PLCL1: variants seen among roughly 807,000 people sequenced by gnomAD.
PLCL1 encodes the protein phospholipase C like 1 (inactive).
Under a neutral mutation model 84.4 loss-of-function variants are expected in PLCL1, and 41 were observed. That is an observed-to-expected ratio of 0.49 (90% CI 0.38 to 0.63). PLCL1 has a LOEUF of 0.63. Among genes scored for constraint, PLCL1 ranks in the 30% least tolerant of loss-of-function variants. The pLI, the probability that PLCL1 is intolerant of heterozygous loss-of-function variation, is 0.00. For missense variants in PLCL1, 1,206 were observed against 1,367.8 expected (o/e 0.88, Z 1.87); for synonymous variants, 490 against 488.3 (o/e 1.00, Z -0.05).
At chr2:197,937,801 G>A (rs939066573) in intron 1 of PLCL1, among the ~76,000 whole-genome samples, 3 of 152,080 alleles carry the variant, frequency 2.0e-5, no homozygotes, top group South Asian at 2.1e-4. Context: ...AAGAACTTAC[G>A]GTCCATTAGT....
chr2:197,873,155 A>G (rs1236169061), intron 1 of PLCL1, among the ~76,000 whole-genome samples: 3 of 152,130 alleles, frequency 2.0e-5, no homozygotes, highest in Non-Finnish European at 4.4e-5. Context: ...CAACATGTTT[A>G]TGTGTATTCA....
chr2:198,147,758 G>A lies in PLCL1; in HGVS notation c.*796G>A, dbSNP rs1474535501. The A allele has an allele frequency of 1.3e-5, 2 of 152,314 alleles. No homozygotes were observed. Among genetic ancestry groups the A allele is most frequent in the Admixed American group, 6.5e-5 (1 of 15,296 alleles). The allele number at this position is 152,314 out of a possible 1,614,324, so 9.4% of individuals were successfully genotyped here. The stretch of plus-strand genomic sequence containing the variant: ...CACACTGAAAGCTCTGTTGCAATTA[G>A]GATTTTGATGTGACAATAATATTGT... On this transcript the variant is annotated 3_prime_UTR_variant, in exon 6 of 6. Coordinates refer to ENST00000428675, the MANE Select transcript of PLCL1 (RefSeq NM_006226.4).
chr2:198,140,302 A>C (rs981343103), intron 5 of PLCL1, among the ~76,000 whole-genome samples: 1 of 152,144 alleles, frequency 6.6e-6, no homozygotes, highest in African/African-American at 2.4e-5. Flanking sequence ...TATTATTATT[A>C]GTGAGTAGTG....
In PLCL1 at chr2:197,835,294, TAAA is replaced by T. The variant is rs1263429887; in HGVS notation, c.240+29960_240+29962del. Among the ~76,000 whole-genome samples, 11 of 152,242 alleles carry T rather than the reference TAAA, an allele frequency of 7.2e-5. No individual in the cohort carries two copies. In the Middle Eastern group the frequency reaches 0.01, roughly 141 times the overall value. On this transcript the variant is annotated intron_variant, in intron 1 of 5. Coordinates refer to ENST00000428675, the MANE Select transcript of PLCL1 (RefSeq NM_006226.4). Reference sequence around the variant, plus strand: ...ATGTATCCTAGAACATAAAGTATAATAAAAAAACCATAGTGTTAAAATGTGCAT... The same window carrying T: ...ATGTATCCTAGAACATAAAGTATAATAAAACCATAGTGTTAAAATGTGCAT...
intron 1 of PLCL1, among the ~76,000 whole-genome samples, chr2:198,006,873 C>A (rs1690740725): frequency 6.6e-6 from 1 of 152,190 alleles, no homozygotes; most frequent in African/African-American, 2.4e-5. Context: ...AACCTTTTAC[C>A]AGTTTCTAAA....
chr2:198,084,593 G>A lies in PLCL1; in HGVS notation c.1076G>A (p.Arg359Lys). 6.2e-7 allele frequency: 1 copy of A among 1,613,944 alleles called. No homozygotes were observed. The highest frequency in any genetic ancestry group is 1.1e-5 in the South Asian group (1 of 91,076). Residue 359 changes from arginine (R) to lysine (K), a missense_variant, in exon 2 of 6, where the codon AGA (arginine) becomes AAA (lysine). Arg to Lys is a conservative substitution (Grantham distance 26, BLOSUM62 2). Coordinates refer to ENST00000428675, the MANE Select transcript of PLCL1 (RefSeq NM_006226.4). ...TEDICLDIIR[R>K]YELSEEGRQK... The stretch of plus-strand genomic sequence containing the variant: ...GATATATGCTTAGACATCATAAGGA[G>A]ATACGAACTTTCTGAAGAGGGACGT...
At chr2:198,137,635 A>C (rs1694286216) in intron 5 of PLCL1, among the ~76,000 whole-genome samples, 1 of 152,154 alleles carries the variant, frequency 6.6e-6, no homozygotes, top group African/African-American at 2.4e-5. Context: ...TGTTTCACTG[A>C]TCATAAGATG....
At chr2:198,068,449 C>T (rs1692369839) in intron 1 of PLCL1, among the ~76,000 whole-genome samples, 1 of 152,066 alleles carries the variant, frequency 6.6e-6, no homozygotes, top group African/African-American at 2.4e-5. Context: ...TCTTTTATTT[C>T]TACATCATGG....
At chr2:198,103,733 T>A in intron 4 of PLCL1, 94 bp from the exon 5 acceptor site, 1 of 600,060 alleles carries the variant, frequency 1.7e-6, no homozygotes, top group South Asian at 2.4e-5. Context: ...AAGACAGGAA[T>A]GTGAAATTAT....
intron 1 of PLCL1, among the ~76,000 whole-genome samples, chr2:198,026,384 G>A (rs904516566): frequency 1.3e-5 from 2 of 152,152 alleles, no homozygotes; most frequent in Non-Finnish European, 2.9e-5. Flanking sequence ...TAATGGTTAA[G>A]TTTCTTATAA....
chr2:197,981,686 T>C (rs78086362), intron 1 of PLCL1, among the ~76,000 whole-genome samples: 5,546 of 152,262 alleles, frequency 0.036, 350 homozygotes, highest in African/African-American at 0.13. Context: ...TGTCTGTCTG[T>C]TATTAGAAAG....
At position 198,067,830 on chromosome 2, in the gene PLCL1, G is replaced by A. The variant is rs75442685; in HGVS notation, c.241-15928G>A. 3.1e-3 allele frequency among the ~76,000 whole-genome samples: 465 copies of A among 152,290 alleles called. 1 individual carries two copies. The highest frequency in any genetic ancestry group is 0.011 in the African/African-American group (440 of 41,546). On this transcript the variant is annotated intron_variant, in intron 1 of 5. Coordinates refer to ENST00000428675, the MANE Select transcript of PLCL1 (RefSeq NM_006226.4). ...AAATTAAAACTTCTTAGAAAGGTGA[G>A]ATGCTCTTACCCTCCTTATTTTGAT...
chr2:197,819,122 C>A (rs1690753140), intron 1 of PLCL1, among the ~76,000 whole-genome samples: 1 of 152,082 alleles, frequency 6.6e-6, no homozygotes, highest in Non-Finnish European at 1.5e-5. Context: ...GTAGAGAAAA[C>A]CAACCCAGTG....
chr2:197,947,758 C>T (rs1689311227), intron 1 of PLCL1, among the ~76,000 whole-genome samples: 1 of 152,140 alleles, frequency 6.6e-6, no homozygotes, highest in Non-Finnish European at 1.5e-5. Context: ...AAACCTCCAA[C>T]CATACTGGAG....
At chr2:197,815,280 T>C (rs950671193) in intron 1 of PLCL1, among the ~76,000 whole-genome samples, 6 of 152,202 alleles carry the variant, frequency 3.9e-5, no homozygotes, top group Non-Finnish European at 7.3e-5. Context: ...AAATCTACTC[T>C]GTGCCCTATG....
At chr2:197,906,787 A>C (rs1688391055) in intron 1 of PLCL1, among the ~76,000 whole-genome samples, 1 of 152,116 alleles carries the variant, frequency 6.6e-6, no homozygotes, top group Admixed American at 6.6e-5. Flanking sequence ...CATCCCTTGT[A>C]AGTTGTATTC....
chr2:197,995,660 C>G (rs1378651296), intron 1 of PLCL1, among the ~76,000 whole-genome samples: 1 of 152,138 alleles, frequency 6.6e-6, no homozygotes. Context: ...AGTCAACAAT[C>G]TCAGCGTCAG....
At chr2:197,852,352 T>C (rs1687255393) in intron 1 of PLCL1, among the ~76,000 whole-genome samples, 2 of 152,202 alleles carry the variant, frequency 1.3e-5, no homozygotes, top group African/African-American at 4.8e-5. Flanking sequence ...CTCTAGATTG[T>C]CATCTGATTA....
chr2:198,040,323 A>G (rs1329594936), intron 1 of PLCL1, among the ~76,000 whole-genome samples: 1 of 152,110 alleles, frequency 6.6e-6, no homozygotes, highest in African/African-American at 2.4e-5. Flanking sequence ...CACAGGGGTT[A>G]TTTGCAGGTT....
Sources: allele counts gnomAD v4.1 joint callset (sites outside exome capture counted in the v4.1 genomes callset), GRCh38; gene constraint gnomAD v4.1.1; transcripts MANE v1.5; gene names NCBI Gene and HGNC (gene_info 2026-07-23, HGNC 2026-07-21).